BCAP31: variants seen among roughly 807,000 people sequenced by gnomAD.
The protein encoded by BCAP31 is B-cell receptor-associated protein 31.
For synonymous variants in BCAP31, 75 were observed against 80.9 expected (o/e 0.93, Z 0.39); for missense variants, 124 against 193.0 (o/e 0.64, Z 2.12).
At chrX:153,715,386 A>G in intron 4 of BCAP31, 156 bp downstream of exon 4, 1 of 846,967 alleles carries the variant, frequency 1.2e-6, no homozygotes, top group South Asian at 2.5e-5. Flanking sequence ...GGAGAAAACT[A>G]TGTGGCTTCC....
intron 7 of BCAP31, among the ~76,000 whole-genome samples, chrX:153,701,792 C>T (rs1255693512): frequency 8.8e-6 from 1 of 113,212 alleles, no homozygotes; most frequent in Admixed American, 9.3e-5. Context: ...AGTGCCACTC[C>T]TGAGGGCCGC....
chrX:153,708,251 C>T (rs1365310917), intron 4 of BCAP31, among the ~76,000 whole-genome samples: 1 of 112,435 alleles, frequency 8.9e-6, no homozygotes, highest in African/African-American at 3.2e-5. Flanking sequence ...AGAAACAGAA[C>T]CTCTCCACAG....
intron 4 of BCAP31, among the ~76,000 whole-genome samples, chrX:153,707,258 T>A (rs1451458456): frequency 9.0e-6 from 1 of 110,663 alleles, no homozygotes; most frequent in Non-Finnish European, 1.9e-5. Flanking sequence ...TCCGTTTATA[T>A]GGCTGCCCTA....
At chrX:153,718,598 G>A (rs1283880813) in intron 3 of BCAP31, among the ~76,000 whole-genome samples, 3 of 112,118 alleles carry the variant, frequency 2.7e-5, no homozygotes, top group African/African-American at 9.7e-5. Flanking sequence ...GGTTACCTGT[G>A]GGAAATGGGA....
At chrX:153,709,048 C>T (rs2091572768) in intron 4 of BCAP31, among the ~76,000 whole-genome samples, 1 of 111,989 alleles carries the variant, frequency 8.9e-6, no homozygotes, top group Admixed American at 9.4e-5. Flanking sequence ...GGCCTGTCCT[C>T]CCTTCTTCTT....
intron 2 of BCAP31, among the ~76,000 whole-genome samples, chrX:153,722,625 A>G (rs1190629758): frequency 8.9e-6 from 1 of 112,461 alleles, no homozygotes; most frequent in Non-Finnish European, 1.9e-5. Context: ...GGATGTGTTC[A>G]GGTATTATAC....
Position 153,723,293 on chromosome X carries a change from C to A in BCAP31, c.-44-5G>T, listed in dbSNP as rs2091681007. ...AGGAAGATGTGAGCTTGTTTCCTGGCAGGGCACAAAAGGTACGGGACTTGT... is the reference window on the plus strand; with the variant it reads ...AGGAAGATGTGAGCTTGTTTCCTGGAAGGGCACAAAAGGTACGGGACTTGT... On this transcript the variant is annotated splice_region_variant and splice_polypyrimidine_tract_variant and intron_variant, in intron 1 of 7. Coordinates refer to ENST00000345046, the MANE Select transcript of BCAP31 (RefSeq NM_001256447.2). 1 of 1,190,234 alleles carries A rather than the reference C, an allele frequency of 8.4e-7. No individual in the cohort carries two copies. The highest frequency in any genetic ancestry group is 1.8e-5 in the African/African-American group (1 of 56,832).
Position 153,715,408 on chromosome X carries a change from A to G in BCAP31, c.341+134T>C. 7 of 970,207 alleles carry G rather than the reference A, an allele frequency of 7.2e-6. No homozygotes were observed. In the South Asian group the frequency reaches 1.6e-4, roughly 22 times the overall value. 80.0% of individuals were successfully genotyped at this position (970,207 alleles called of 1,213,427 possible). On this transcript the variant is annotated intron_variant, in intron 4 of 7. Transcript: ENST00000345046. Reference sequence around the variant, plus strand: ...ACTATGTGGCTTCCCTAACACAGACAGGGCTTTGGGATCCAGGCCACAGAC... The same window carrying G: ...ACTATGTGGCTTCCCTAACACAGACGGGGCTTTGGGATCCAGGCCACAGAC...
intron 4 of BCAP31, among the ~76,000 whole-genome samples, chrX:153,712,251 G>C: frequency 9.0e-6 from 1 of 110,626 alleles, no homozygotes; most frequent in Non-Finnish European, 1.9e-5. Flanking sequence ...GCAAGACTCT[G>C]TCTCTACAAA....
chrX:153,702,932 C>T lies in BCAP31; in HGVS notation c.601+3G>A, dbSNP rs782815554. 8.3e-7 allele frequency: 1 copy of T among 1,209,946 alleles called. No homozygotes were observed. Among genetic ancestry groups the T allele is most frequent in the Non-Finnish European group, 1.1e-6 (1 of 895,346 alleles). ...CGGGGAAGGACACGAGGTCGAGCCT[C>T]ACTTTGCTTAGTGCTGGCCAGCTCG... On this transcript the variant is annotated splice_donor_region_variant and intron_variant, in intron 6 of 7. Transcript: ENST00000345046.
At chrX:153,702,497 G>A (rs1216773255) in intron 6 of BCAP31, 1 of 178,135 alleles carries the variant, frequency 5.6e-6, no homozygotes, top group Non-Finnish European at 1.0e-5. Context: ...CTGTGGTATT[G>A]GGGGAAAACG....
intron 3 of BCAP31, among the ~76,000 whole-genome samples, chrX:153,720,294 C>T (rs7890998): frequency 0.018 from 1,952 of 110,939 alleles, 51 homozygotes; most frequent in African/African-American, 0.06. Context: ...TGAAAAAAAG[C>T]AATGTAAGGT....
intron 4 of BCAP31, among the ~76,000 whole-genome samples, chrX:153,709,932 GGGACCCGA>G (rs1245034488): frequency 8.9e-6 from 1 of 112,597 alleles, no homozygotes; most frequent in Non-Finnish European, 1.9e-5. Context: ...AGGCTGCCCT[GGGACCCGA>G]GGACAGCGCT....
At chrX:153,713,854 G>C (rs952805722) in intron 4 of BCAP31, among the ~76,000 whole-genome samples, 1 of 105,919 alleles carries the variant, frequency 9.4e-6, no homozygotes, top group African/African-American at 3.5e-5. Context: ...AGAGCTCCCG[G>C]CAGGTTTTCA....
At chrX:153,704,955 T>C (rs2091544551) in intron 4 of BCAP31, 1 of 111,788 alleles carries the variant, frequency 8.9e-6, no homozygotes, top group South Asian at 3.7e-4. Flanking sequence ...AAACAGAGAT[T>C]GGAATGGCCA....
At chrX:153,724,278 G>A (rs1367708545) in intron 1 of BCAP31, 56 bp downstream of exon 1, 7 of 179,757 alleles carry the variant, frequency 3.9e-5, no homozygotes, top group Non-Finnish European at 7.2e-5. Context: ...CCTCGTCGAT[G>A]GGCCGGGGAG....
intron 4 of BCAP31, among the ~76,000 whole-genome samples, chrX:153,706,016 G>A (rs782145773): frequency 8.9e-6 from 1 of 111,983 alleles, no homozygotes; most frequent in Admixed American, 9.4e-5. Context: ...GGGCTTCCAA[G>A]ATAGGCCAGG....
intron 3 of BCAP31, 40 bp downstream of exon 3, chrX:153,720,832 G>T: frequency 1.7e-6 from 2 of 1,169,026 alleles, no homozygotes; most frequent in Non-Finnish European, 1.2e-6. Flanking sequence ...AGAGACCAGG[G>T]TCTAGGTCAG....
At chrX:153,701,617 C>G (rs1212547616) in intron 7 of BCAP31, among the ~76,000 whole-genome samples, 1 of 112,764 alleles carries the variant, frequency 8.9e-6, no homozygotes, top group Non-Finnish European at 1.9e-5. Context: ...ACACCTTGTG[C>G]CCTCACTTGC....
Sources: gnomAD v4.1 joint callset for allele counts (sites outside exome capture counted in the v4.1 genomes callset) on GRCh38, gnomAD v4.1.1 for gene constraint, MANE v1.5 for transcripts, NCBI Gene and HGNC (gene_info 2026-07-23, HGNC 2026-07-21) for gene names.